GRM5: variants seen among roughly 807,000 people sequenced by gnomAD.
GRM5 encodes the protein metabotropic glutamate receptor 5.
Under a neutral mutation model 83.1 loss-of-function variants are expected in GRM5, and 19 were observed. The observed-to-expected ratio is 0.23, with a 90% CI of 0.16 to 0.34. The LOEUF is 0.34. Among genes scored for constraint, GRM5 ranks in the 10% least tolerant of loss-of-function variants. The probability of loss-of-function intolerance (pLI) is 1.00; values close to 1 mark genes in which losing one functional copy is unlikely to be tolerated. For synonymous variants in GRM5, 675 were observed against 633.6 expected, an observed-to-expected ratio of 1.07 and a Z score of -0.98; for missense variants, 1,160 against 1,588.3, an observed-to-expected ratio of 0.73 and a Z score of 4.58.
intron 2 of GRM5, among the ~76,000 whole-genome samples, chr11:88,883,158 T>C (rs150183082): frequency 5.3e-5 from 8 of 152,268 alleles, no homozygotes; most frequent in Non-Finnish European, 1.2e-4. Context: ...GGTACTTCTG[T>C]AAAGATACCC....
chr11:88,629,875 A>C (rs753002138), intron 4 of GRM5, among the ~76,000 whole-genome samples: 2 of 152,148 alleles, frequency 1.3e-5, no homozygotes, highest in Non-Finnish European at 2.9e-5. Flanking sequence ...CAATTGAGTA[A>C]AAGCCAAAGT....
chr11:88,939,802 A>T (rs1938026466), intron 2 of GRM5, among the ~76,000 whole-genome samples: 5 of 152,024 alleles, frequency 3.3e-5, no homozygotes, highest in Admixed American at 3.3e-4. Context: ...GTCTAAAAAA[A>T]ACTTCTATTA....
chr11:88,647,383 C>G (rs7396702), intron 4 of GRM5, among the ~76,000 whole-genome samples: 107,475 of 151,720 alleles, frequency 0.71, 43,222 homozygotes, highest in South Asian at 0.92. Flanking sequence ...AACCAGTAAT[C>G]CTTTTGGTTA....
chr11:88,879,209 C>T (rs1362319115), intron 2 of GRM5, among the ~76,000 whole-genome samples: 1 of 151,916 alleles, frequency 6.6e-6, no homozygotes, highest in East Asian at 1.9e-4. Context: ...GTTATGAGTG[C>T]AAATTGAATA....
At chr11:88,655,560 G>T (rs949381695) in intron 3 of GRM5, among the ~76,000 whole-genome samples, 5 of 151,938 alleles carry the variant, frequency 3.3e-5, no homozygotes, top group Admixed American at 2.6e-4. Context: ...AATTTAACAG[G>T]GATTGTAAAA....
intron 7 of GRM5, among the ~76,000 whole-genome samples, chr11:88,576,491 C>T: frequency 6.6e-6 from 1 of 152,268 alleles, no homozygotes; most frequent in Admixed American, 6.5e-5. Flanking sequence ...GAATGATTAA[C>T]AAAGAAGAGG....
chr11:88,928,615 G>C (rs1461249513), intron 2 of GRM5, among the ~76,000 whole-genome samples: 1 of 151,636 alleles, frequency 6.6e-6, no homozygotes, highest in Non-Finnish European at 1.5e-5. Context: ...CATGTTTTCT[G>C]AATCAATCAC....
At chr11:88,534,334 G>C (rs574889666) in intron 8 of GRM5, among the ~76,000 whole-genome samples, 1 of 152,338 alleles carries the variant, frequency 6.6e-6, no homozygotes, top group East Asian at 1.9e-4. Flanking sequence ...GAGGGAGGCT[G>C]TACTCTTCAA....
chr11:88,782,145 T>G (rs1942986766), intron 3 of GRM5, among the ~76,000 whole-genome samples: 1 of 152,074 alleles, frequency 6.6e-6, no homozygotes, highest in African/African-American at 2.4e-5. Flanking sequence ...AAACATGAAT[T>G]TCTAATAAGA....
In GRM5 at chr11:88,771,278, C is replaced by A. The variant is rs561555583; in HGVS notation, c.911+78628G>T. On this transcript the variant is annotated intron_variant, in intron 3 of 9. Coordinates refer to ENST00000305447, the MANE Select transcript of GRM5 (RefSeq NM_001143831.3). The stretch of plus-strand genomic sequence containing the variant: ...TAAGGAGAATGGGCCCAGACGATCA[C>A]AAGGTAAAGTCCCACAATAGGCCAT... 3.3e-5 allele frequency among the ~76,000 whole-genome samples: 5 copies of A among 152,048 alleles called. No homozygotes were observed. In the South Asian group the frequency reaches 6.2e-4, roughly 19 times the overall value.
chr11:88,761,224 T>C (rs535729085), intron 3 of GRM5, among the ~76,000 whole-genome samples: 1 of 152,138 alleles, frequency 6.6e-6, no homozygotes, highest in South Asian at 2.1e-4. Flanking sequence ...CAGAAAGAAA[T>C]AAAGGGCATC....
intron 4 of GRM5, among the ~76,000 whole-genome samples, chr11:88,633,858 C>T (rs565661400): frequency 1.3e-5 from 2 of 152,230 alleles, no homozygotes; most frequent in East Asian, 1.9e-4. Context: ...TACATTCATA[C>T]ATCACTTAAT....
chr11:88,559,136 G>A (rs1942698836), intron 8 of GRM5, among the ~76,000 whole-genome samples: 1 of 152,072 alleles, frequency 6.6e-6, no homozygotes, highest in Admixed American at 6.6e-5. Flanking sequence ...CCAAATTTCA[G>A]GCAGTTCTTA....
At chr11:88,889,296 G>A (rs992320746) in intron 2 of GRM5, among the ~76,000 whole-genome samples, 2 of 152,052 alleles carry the variant, frequency 1.3e-5, no homozygotes, top group African/African-American at 4.8e-5. Context: ...TGTAAACCAG[G>A]TGCCTCCCAA....
intron 2 of GRM5, among the ~76,000 whole-genome samples, chr11:88,969,499 G>A (rs142532952): frequency 0.014 from 2,116 of 152,062 alleles, 67 homozygotes; most frequent in African/African-American, 0.048. Flanking sequence ...TGATCTCTTG[G>A]AACTCCTATT....
chr11:89,000,528 C>T (rs765856426), intron 2 of GRM5, among the ~76,000 whole-genome samples: 3 of 152,114 alleles, frequency 2.0e-5, no homozygotes, highest in Non-Finnish European at 2.9e-5. Flanking sequence ...AGAAACGAAT[C>T]TCAATCTAAA....
intron 2 of GRM5, among the ~76,000 whole-genome samples, chr11:89,022,082 C>T (rs189332962): frequency 6.6e-6 from 1 of 152,176 alleles, no homozygotes; most frequent in East Asian, 1.9e-4. Flanking sequence ...CCCAGCATAT[C>T]ACATGGGGCC....
intron 3 of GRM5, among the ~76,000 whole-genome samples, chr11:88,676,358 TG>T (rs1940327689): frequency 6.6e-6 from 1 of 152,154 alleles, no homozygotes; most frequent in Admixed American, 6.6e-5. Context: ...TATATGCCTA[TG>T]CTATCATTTG....
In GRM5 at chr11:88,509,204, G is replaced by A; in HGVS notation, c.3027C>T (p.His1009=). Residue 1009 remains histidine, a synonymous_variant, in exon 10 of 10, where the codon CAC becomes CAT. Transcript: ENST00000305447. The part of the protein sequence containing the change: ...ALYDVAEAEE[H]FPAPARPRSP... ...AGCGCGGCCGCGCGGGCGCCGGGAA[G>A]TGCTCCTCAGCCTCGGCCACATCAT... 6.5e-7 allele frequency: 1 copy of A among 1,534,450 alleles called. No individual in the cohort carries two copies. The highest frequency in any genetic ancestry group is 8.8e-7 in the Non-Finnish European group (1 of 1,142,808).
Sources: gnomAD v4.1 joint callset for allele counts (sites outside exome capture counted in the v4.1 genomes callset) on GRCh38, gnomAD v4.1.1 for gene constraint, MANE v1.5 for transcripts, NCBI Gene and HGNC (gene_info 2026-07-23, HGNC 2026-07-21) for gene names.